Variants in VSIG1 observed in about 807,000 individuals in gnomAD.
VSIG1 encodes the protein V-set and immunoglobulin domain-containing protein 1.
VSIG1 carries 11 observed loss-of-function variants against 20.1 expected under a neutral mutation model. The observed-to-expected ratio is 0.55, with a 90% CI of 0.34 to 0.91. The LOEUF (loss-of-function observed/expected upper bound fraction) is 0.91, where lower values mean the gene tolerates loss of function less well. Ranked by LOEUF, VSIG1 falls within the 40% of genes least tolerant of loss-of-function variation. The pLI is 0.02. For synonymous variants in VSIG1, 126 were observed against 116.7 expected (o/e 1.08, Z -0.52); for missense variants, 283 against 298.8 (o/e 0.95, Z 0.39).
intron 1 of VSIG1, among the ~76,000 whole-genome samples, chrX:108,046,284 A>G (rs2030575005): frequency 8.9e-6 from 1 of 112,413 alleles, no homozygotes; most frequent in South Asian, 3.7e-4. Flanking sequence ...AAACATCACC[A>G]GAAGGCAATA....
chrX:108,055,324 C>G (rs971993363), intron 1 of VSIG1, among the ~76,000 whole-genome samples: 1 of 111,463 alleles, frequency 9.0e-6, no homozygotes, highest in African/African-American at 3.3e-5. Context: ...TTTAAAAGCT[C>G]CTACAAAATA....
In VSIG1 at chrX:108,064,744, A is replaced by C. The variant is rs889145138; in HGVS notation, c.214-2192A>C. The C allele has an allele frequency of 4.0e-6, 3 of 751,814 alleles. No homozygotes were observed. The African/African-American group carries it at 7.0e-5, about 17-fold the overall frequency. The allele number at this position is 751,814 out of a possible 1,213,427, so 62.0% of individuals were successfully genotyped here. ...GAGGAGGGGAAGTGGCCAGATGTTG[A>C]GGCTGTGAAGGGCACTCTTGATGGA... On this transcript the variant is annotated intron_variant, in intron 2 of 6. Coordinates refer to ENST00000217957, the MANE Select transcript of VSIG1 (RefSeq NM_182607.5).
intron 2 of VSIG1, among the ~76,000 whole-genome samples, chrX:108,066,309 C>T (rs2031124111): frequency 9.0e-6 from 1 of 110,826 alleles, no homozygotes; most frequent in Non-Finnish European, 1.9e-5. Flanking sequence ...CTTCCGAGGT[C>T]CTTTACTAGA....
Position 108,066,952 on chromosome X carries a change from G to A in VSIG1, c.230G>A (p.Gly77Asp), listed in dbSNP as rs779220118. Reference protein sequence around the residue: ...MEPISIYFSQGGQAVAIGQFK... With the variant: ...MEPISIYFSQDGQAVAIGQFK... ...TCTGTCTAGATTTACTTTTCTCAAG[G>A]TGGACAAGCTGTAGCCATCGGGCAA... Residue 77 changes from glycine (G) to aspartate (D), a missense_variant, in exon 3 of 7, where the codon GGT (glycine) becomes GAT (aspartate). Coordinates refer to ENST00000217957, the MANE Select transcript of VSIG1 (RefSeq NM_182607.5). The A allele has an allele frequency of 8.3e-7, 1 of 1,211,074 alleles. No homozygotes were observed. The highest frequency in any genetic ancestry group is 1.1e-6 in the Non-Finnish European group (1 of 895,028).
At chrX:108,063,970 ATTCT>A (rs1274160580) in intron 2 of VSIG1, among the ~76,000 whole-genome samples, 1 of 112,223 alleles carries the variant, frequency 8.9e-6, no homozygotes, top group Non-Finnish European at 1.9e-5. Flanking sequence ...AATTGATAAT[ATTCT>A]TTCTTTGAAA....
At chrX:108,047,847 T>TATATATACAC (rs1569287100) in intron 1 of VSIG1, among the ~76,000 whole-genome samples, 6 of 36,070 alleles carry the variant, frequency 1.7e-4, no homozygotes, top group East Asian at 1.5e-3. Flanking sequence ...TATATATACA[T>TATATATACAC]ATATATATAC....
At chrX:108,062,268 A>T (rs2031042782) in intron 2 of VSIG1, among the ~76,000 whole-genome samples, 1 of 111,580 alleles carries the variant, frequency 9.0e-6, no homozygotes, top group South Asian at 3.9e-4. Context: ...ACCCTTTGCC[A>T]GTCTCATAAA....
chrX:108,045,224 G>A (rs1480698074), intron 1 of VSIG1, 45 bp downstream of exon 1: 3 of 1,076,081 alleles, frequency 2.8e-6, no homozygotes. Flanking sequence ...TGGAAACAGA[G>A]TTTCCTTTTA....
intron 1 of VSIG1, among the ~76,000 whole-genome samples, chrX:108,050,069 C>T (rs1433609482): frequency 8.9e-6 from 1 of 112,330 alleles, no homozygotes; most frequent in East Asian, 2.8e-4. Flanking sequence ...TGTAAACAGC[C>T]AGCTTCTGGC....
At chrX:108,047,801 TATATATAC>T (rs1188203013) in intron 1 of VSIG1, among the ~76,000 whole-genome samples, 3 of 72,261 alleles carry the variant, frequency 4.2e-5, no homozygotes, top group African/African-American at 1.2e-4. Context: ...TATATATATA[TATATATAC>T]ATATATATAT....
At chrX:108,038,861 AAT>A in the VSIG1 span, among the ~76,000 whole-genome samples, 2 of 111,724 alleles carry the variant, frequency 1.8e-5, no homozygotes, top group Non-Finnish European at 3.8e-5. Flanking sequence ...AAATTTTAAT[AAT>A]ATGTTTTACT....
the VSIG1 span, among the ~76,000 whole-genome samples, chrX:108,030,055 G>A: frequency 2.7e-5 from 3 of 111,902 alleles, no homozygotes; most frequent in Admixed American, 2.8e-4. Flanking sequence ...ATGTTATCTG[G>A]TTTCCTTTTG....
intron 1 of VSIG1, among the ~76,000 whole-genome samples, chrX:108,047,989 T>C (rs1467126694): frequency 8.2e-5 from 6 of 72,737 alleles, no homozygotes; most frequent in Non-Finnish European, 9.9e-5. Context: ...TATATATATA[T>C]ATATATATAT....
At chrX:108,076,920 T>C in intron 6 of VSIG1, 128 bp from the exon 7 acceptor site, 1 of 670,635 alleles carries the variant, frequency 1.5e-6, no homozygotes, top group Non-Finnish European at 2.2e-6. Flanking sequence ...AGTCAGAATA[T>C]CAGAAATAAC....
At chrX:108,066,394 G>A (rs1046101376) in intron 2 of VSIG1, among the ~76,000 whole-genome samples, 9 of 111,588 alleles carry the variant, frequency 8.1e-5, no homozygotes, top group African/African-American at 2.9e-4. Context: ...TTTCCGCTTT[G>A]CTTCTAATAA....
At chrX:108,041,160 C>A (rs1354782614), upstream of VSIG1, among the ~76,000 whole-genome samples, 6 of 108,227 alleles carry the variant, frequency 5.5e-5, no homozygotes, top group African/African-American at 1.7e-4. Flanking sequence ...TCACACCGTG[C>A]CATTGTGTGG....
the VSIG1 span, among the ~76,000 whole-genome samples, chrX:108,027,712 C>T: frequency 3.4e-3 from 375 of 111,225 alleles, 5 homozygotes; most frequent in East Asian, 0.049. Context: ...ATGATATGAA[C>T]GGAGGACAGA....
chrX:108,071,573 AG>A (rs963244588), intron 3 of VSIG1, among the ~76,000 whole-genome samples: 2 of 111,108 alleles, frequency 1.8e-5, no homozygotes, highest in African/African-American at 6.6e-5. Context: ...TGACCTCATT[AG>A]TACCCCTTCC....
At chrX:108,052,390 G>C (rs1302084554) in intron 1 of VSIG1, among the ~76,000 whole-genome samples, 2 of 111,639 alleles carry the variant, frequency 1.8e-5, no homozygotes, top group Non-Finnish European at 1.9e-5. Flanking sequence ...CTTGAGCTCA[G>C]GATTTCGAGA....
Sources: gnomAD v4.1 joint callset for allele counts (sites outside exome capture counted in the v4.1 genomes callset) on GRCh38, gnomAD v4.1.1 for gene constraint, MANE v1.5 for transcripts, NCBI Gene and HGNC (gene_info 2026-07-23, HGNC 2026-07-21) for gene names.